Variants in SNTG1 observed in about 807,000 individuals in gnomAD.
SNTG1 encodes the protein syntrophin gamma 1.
Under a neutral mutation model 74.7 loss-of-function variants are expected in SNTG1, and 39 were observed. The ratio of observed to expected loss-of-function variants is 0.52; its 90% CI spans 0.40 to 0.68. SNTG1 has a LOEUF of 0.68. Ranked by LOEUF, SNTG1 falls within the 30% of genes least tolerant of loss-of-function variation. SNTG1 has a pLI of 0.00. For missense variants in SNTG1, 685 were observed against 609.5 expected, an observed-to-expected ratio of 1.12 and a Z score of -1.30; for synonymous variants, 254 against 217.1, an observed-to-expected ratio of 1.17 and a Z score of -1.49.
At chr8:50,587,316 A>G (rs1285388361) in intron 12 of SNTG1, among the ~76,000 whole-genome samples, 1 of 151,774 alleles carries the variant, frequency 6.6e-6, no homozygotes. Flanking sequence ...TTTTGTAAGC[A>G]TCGTATCTTA....
chr8:50,206,291 G>T (rs1470495624), intron 2 of SNTG1, among the ~76,000 whole-genome samples: 4 of 152,230 alleles, frequency 2.6e-5, no homozygotes, highest in African/African-American at 9.6e-5. Flanking sequence ...CACATCCCTT[G>T]TCAGTTGGAT....
chr8:50,682,113 G>A lies in SNTG1; in HGVS notation c.1039-22487G>A, dbSNP rs139864015. 1.2e-4 allele frequency among the ~76,000 whole-genome samples: 18 copies of A among 152,114 alleles called. No individual in the cohort carries two copies. The East Asian group carries it at 3.1e-3, about 26-fold the overall frequency. ...ACTTGAACATAAATTTAATTTTCTC[G>A]GCAAGACAATCTTTACTTCTATAGA... On this transcript the variant is annotated intron_variant, in intron 15 of 18. Coordinates refer to ENST00000642720, the MANE Select transcript of SNTG1 (RefSeq NM_018967.5).
intron 2 of SNTG1, among the ~76,000 whole-genome samples, chr8:50,280,985 CAAA>C (rs35973666): frequency 0.013 from 1,009 of 75,532 alleles, 14 homozygotes; most frequent in African/African-American, 0.048. Flanking sequence ...AACCCAGTCT[CAAA>C]AAAAAAAAAA....
chr8:50,193,013 C>T (rs1384307986), intron 2 of SNTG1, among the ~76,000 whole-genome samples: 1 of 151,878 alleles, frequency 6.6e-6, no homozygotes, highest in South Asian at 2.1e-4. Context: ...GTCTGTGTGC[C>T]TTTTTTTATA....
intron 1 of SNTG1, among the ~76,000 whole-genome samples, chr8:49,940,188 C>T (rs1808555937): frequency 6.6e-6 from 1 of 152,082 alleles, no homozygotes; most frequent in Admixed American, 6.5e-5. Context: ...CCCTGAAAGA[C>T]CTGGGAAACT....
intron 17 of SNTG1, among the ~76,000 whole-genome samples, chr8:50,722,775 C>T (rs776904762): frequency 6.6e-6 from 1 of 152,060 alleles, no homozygotes; most frequent in Non-Finnish European, 1.5e-5. Flanking sequence ...TTCATCTTTA[C>T]TTTCAGGTTT....
intron 8 of SNTG1, among the ~76,000 whole-genome samples, chr8:50,479,688 G>C (rs1344092974): frequency 1.3e-5 from 2 of 151,998 alleles, no homozygotes; most frequent in African/African-American, 4.8e-5. Flanking sequence ...AGCACAGGGT[G>C]GACTCTGGGC....
intron 1 of SNTG1, among the ~76,000 whole-genome samples, chr8:50,019,878 A>G (rs1359304683): frequency 6.6e-6 from 1 of 152,114 alleles, no homozygotes; most frequent in Non-Finnish European, 1.5e-5. Context: ...GTCAAGAGAC[A>G]TAAGAGTGTC....
At chr8:50,664,204 T>C (rs954620587) in intron 15 of SNTG1, among the ~76,000 whole-genome samples, 2 of 152,196 alleles carry the variant, frequency 1.3e-5, no homozygotes, top group African/African-American at 2.4e-5. Context: ...GCTGAGATGA[T>C]ACTAAGTTAT....
Position 50,237,632 on chromosome 8 carries a change from C to A in SNTG1, c.-28+64997C>A, listed in dbSNP as rs551722029. Among the ~76,000 whole-genome samples, 34 of 152,154 alleles carry A rather than the reference C, an allele frequency of 2.2e-4. No homozygotes were observed. In the South Asian group the frequency reaches 7.0e-3, roughly 32 times the overall value. Reference sequence around the variant, plus strand: ...TTCCTGAACTCTCCTTCAAAGAAGGCAAAAGGGGATTTTATTTTAGTATCC... The same window carrying A: ...TTCCTGAACTCTCCTTCAAAGAAGGAAAAAGGGGATTTTATTTTAGTATCC... On this transcript the variant is annotated intron_variant, in intron 2 of 18. Transcript: ENST00000642720.
intron 1 of SNTG1, among the ~76,000 whole-genome samples, chr8:50,023,204 A>G (rs1442438212): frequency 1.3e-5 from 2 of 152,224 alleles, no homozygotes; most frequent in East Asian, 3.9e-4. Context: ...AAGAGACGGG[A>G]AGGAAGCAGT....
chr8:50,098,401 A>C (rs1167111674), intron 1 of SNTG1, among the ~76,000 whole-genome samples: 1 of 152,154 alleles, frequency 6.6e-6, no homozygotes, highest in South Asian at 2.1e-4. Context: ...AGATATACTG[A>C]CTTTTTCCTT....
chr8:50,738,770 C>A (rs1204699173), intron 17 of SNTG1, among the ~76,000 whole-genome samples: 2 of 147,324 alleles, frequency 1.4e-5, no homozygotes, highest in Non-Finnish European at 3.0e-5. Flanking sequence ...CTATGACCAT[C>A]TGATCTTCCA....
chr8:50,138,764 A>G (rs1259412587), intron 1 of SNTG1, among the ~76,000 whole-genome samples: 1 of 151,770 alleles, frequency 6.6e-6, no homozygotes, highest in Non-Finnish European at 1.5e-5. Context: ...GTTTTTTCCC[A>G]ATAAAATAGT....
intron 2 of SNTG1, among the ~76,000 whole-genome samples, chr8:50,262,223 T>C (rs755988066): frequency 2.6e-5 from 4 of 152,160 alleles, no homozygotes; most frequent in Non-Finnish European, 4.4e-5. Flanking sequence ...TGTAAATGTA[T>C]AACATTGAGT....
intron 2 of SNTG1, among the ~76,000 whole-genome samples, chr8:50,287,473 C>T (rs1436603849): frequency 6.6e-6 from 1 of 152,182 alleles, no homozygotes; most frequent in Non-Finnish European, 1.5e-5. Flanking sequence ...GGCCAGGGGA[C>T]TGTCTGAGGC....
At chr8:50,355,594 G>T (rs2091795540) in intron 2 of SNTG1, among the ~76,000 whole-genome samples, 1 of 152,124 alleles carries the variant, frequency 6.6e-6, no homozygotes, top group African/African-American at 2.4e-5. Flanking sequence ...ACATTTGAAT[G>T]ATTGGTTGAA....
At chr8:50,669,453 A>C (rs1363204454) in intron 15 of SNTG1, among the ~76,000 whole-genome samples, 34 of 152,186 alleles carry the variant, frequency 2.2e-4, no homozygotes, top group Non-Finnish European at 5.9e-5. Context: ...GAAATGGATA[A>C]ATTCCTCGAC....
At chr8:50,308,370 G>A (rs562858210) in intron 2 of SNTG1, among the ~76,000 whole-genome samples, 3 of 151,916 alleles carry the variant, frequency 2.0e-5, no homozygotes, top group East Asian at 3.9e-4. Flanking sequence ...CCACTCAGAC[G>A]CTAATGCCAT....
Sources: allele counts gnomAD v4.1 joint callset (sites outside exome capture counted in the v4.1 genomes callset), GRCh38; gene constraint gnomAD v4.1.1; transcripts MANE v1.5; gene names NCBI Gene and HGNC (gene_info 2026-07-23, HGNC 2026-07-21).